The following KCNQ5 variants were observed in gnomAD, a reference collection of about 807,000 sequenced individuals.
KCNQ5 encodes potassium voltage-gated channel subfamily Q member 5.
Under a neutral mutation model 98.2 loss-of-function variants are expected in KCNQ5, and 30 were observed. The observed-to-expected ratio is 0.31, with a 90% CI of 0.23 to 0.41. The LOEUF is 0.41. KCNQ5 is among the 10% of genes least tolerant of loss of function. The pLI is 1.00. For synonymous variants in KCNQ5, 458 were observed against 449.4 expected, an observed-to-expected ratio of 1.02 and a Z score of -0.24; for missense variants, 835 against 1,182.5, an observed-to-expected ratio of 0.71 and a Z score of 4.31.
At chr6:73,079,300 T>G (rs935875189) in intron 5 of KCNQ5, among the ~76,000 whole-genome samples, 2 of 152,246 alleles carry the variant, frequency 1.3e-5, no homozygotes, top group East Asian at 1.9e-4. Flanking sequence ...TGAGTTCTCT[T>G]TTAAACCACC....
chr6:72,900,646 C>A (rs1261253148), intron 1 of KCNQ5, among the ~76,000 whole-genome samples: 2 of 151,544 alleles, frequency 1.3e-5, no homozygotes, highest in Non-Finnish European at 2.9e-5. Flanking sequence ...CATAATGACT[C>A]CTTTTTCACT....
intron 1 of KCNQ5, among the ~76,000 whole-genome samples, chr6:72,811,204 G>A (rs1288853224): frequency 6.6e-6 from 1 of 152,154 alleles, no homozygotes; most frequent in Non-Finnish European, 1.5e-5. Context: ...CCCTGTGCTG[G>A]GTTTGCAGTG....
At chr6:72,960,918 C>T (rs1013086477) in intron 1 of KCNQ5, among the ~76,000 whole-genome samples, 1 of 152,184 alleles carries the variant, frequency 6.6e-6, no homozygotes, top group Non-Finnish European at 1.5e-5. Flanking sequence ...TTCGAGGCTG[C>T]AGTGAGCTGT....
intron 1 of KCNQ5, among the ~76,000 whole-genome samples, chr6:72,791,428 C>T (rs1231167739): frequency 6.6e-6 from 1 of 152,106 alleles, no homozygotes; most frequent in Non-Finnish European, 1.5e-5. Flanking sequence ...ATGCCCTCCC[C>T]CTCACCCCAA....
At chr6:72,646,668 G>C (rs1252153204) in intron 1 of KCNQ5, among the ~76,000 whole-genome samples, 2 of 152,098 alleles carry the variant, frequency 1.3e-5, no homozygotes, top group Admixed American at 1.3e-4. Flanking sequence ...TGAGTTTAAG[G>C]GTGCCTTCTG....
intron 2 of KCNQ5, among the ~76,000 whole-genome samples, chr6:73,024,696 A>G (rs192076516): frequency 6.6e-6 from 1 of 152,376 alleles, no homozygotes; most frequent in East Asian, 1.9e-4. Flanking sequence ...TCTAACCACT[A>G]TAGTGACTAG....
intron 1 of KCNQ5, among the ~76,000 whole-genome samples, chr6:72,810,228 T>C (rs1775176378): frequency 6.6e-6 from 1 of 152,184 alleles, no homozygotes; most frequent in Admixed American, 6.5e-5. Flanking sequence ...GGAAAATATG[T>C]TGGTTGATTT....
At chr6:73,045,647 G>A (rs952830558) in intron 3 of KCNQ5, among the ~76,000 whole-genome samples, 3 of 152,156 alleles carry the variant, frequency 2.0e-5, no homozygotes, top group African/African-American at 7.2e-5. Flanking sequence ...CTCTAAGACT[G>A]ATTTCATAGT....
intron 8 of KCNQ5, among the ~76,000 whole-genome samples, chr6:73,121,160 A>G (rs556250192): frequency 7.2e-4 from 109 of 152,312 alleles, no homozygotes; most frequent in African/African-American, 2.5e-3. Flanking sequence ...TGCATTCACA[A>G]TTTTAAAGTA....
At chr6:72,806,500 T>C (rs1424886835) in intron 1 of KCNQ5, among the ~76,000 whole-genome samples, 1 of 152,042 alleles carries the variant, frequency 6.6e-6, no homozygotes, top group Non-Finnish European at 1.5e-5. Context: ...TAGGGTCAGT[T>C]CAACAAAAGC....
intron 1 of KCNQ5, among the ~76,000 whole-genome samples, chr6:72,761,558 A>G (rs1321844458): frequency 6.6e-6 from 1 of 151,858 alleles, no homozygotes; most frequent in Non-Finnish European, 1.5e-5. Context: ...ATCATATTTA[A>G]TCATCATAAA....
chr6:73,154,094 C>G (rs1186497980), intron 10 of KCNQ5, among the ~76,000 whole-genome samples: 8 of 151,600 alleles, frequency 5.3e-5, no homozygotes, highest in Admixed American at 1.3e-4. Context: ...TCAATAAAAA[C>G]TAATTTTCAG....
intron 9 of KCNQ5, among the ~76,000 whole-genome samples, chr6:73,131,116 C>A (rs902868232): frequency 6.6e-6 from 1 of 151,990 alleles, no homozygotes; most frequent in Non-Finnish European, 1.5e-5. Context: ...AAGGTAATGT[C>A]AAAATGGTTC....
intron 3 of KCNQ5, among the ~76,000 whole-genome samples, chr6:73,061,267 A>G (rs1369404014): frequency 2.0e-5 from 3 of 152,214 alleles, no homozygotes; most frequent in Non-Finnish European, 2.9e-5. Flanking sequence ...GAGAATAAAA[A>G]TGTTTAACTG....
At position 72,900,569 on chromosome 6, in the gene KCNQ5, T is replaced by C. The variant is rs111830847; in HGVS notation, c.399-103339T>C. Among the ~76,000 whole-genome samples, 855 of 145,420 alleles carry C rather than the reference T, an allele frequency of 5.9e-3. 19 individuals carry two copies. In the South Asian group the frequency reaches 0.071, roughly 12 times the overall value. On this transcript the variant is annotated intron_variant, in intron 1 of 13. Coordinates refer to ENST00000370398, the MANE Select transcript of KCNQ5 (RefSeq NM_019842.4). ...CCCTGTTGATTGATGGGCATTTGGG[T>C]TGGTTCCACAATTTTGCAGTTGCGA...
chr6:73,081,422 G>A (rs1390311529), intron 5 of KCNQ5, among the ~76,000 whole-genome samples: 1 of 152,096 alleles, frequency 6.6e-6, no homozygotes, highest in Admixed American at 6.5e-5. Flanking sequence ...GTTATTTTCT[G>A]TTATTAAATC....
intron 10 of KCNQ5, among the ~76,000 whole-genome samples, chr6:73,134,557 C>A (rs1400604769): frequency 6.6e-6 from 1 of 152,238 alleles, no homozygotes; most frequent in Non-Finnish European, 1.5e-5. Context: ...GCAGTGAAGT[C>A]CCTGGAACCG....
At chr6:72,629,147 T>C (rs2098919480) in intron 1 of KCNQ5, among the ~76,000 whole-genome samples, 1 of 152,226 alleles carries the variant, frequency 6.6e-6, no homozygotes, top group Admixed American at 6.5e-5. Context: ...ATTAGTTCCC[T>C]TGTGGCAGAT....
At chr6:72,880,314 CT>C (rs1348064758) in intron 1 of KCNQ5, among the ~76,000 whole-genome samples, 1 of 152,232 alleles carries the variant, frequency 6.6e-6, no homozygotes, top group African/African-American at 2.4e-5. Context: ...CGCCTGCTTT[CT>C]GGCTCATAGA....
Sources: gnomAD v4.1 joint callset for allele counts (sites outside exome capture counted in the v4.1 genomes callset) on GRCh38, gnomAD v4.1.1 for gene constraint, MANE v1.5 for transcripts, NCBI Gene and HGNC (gene_info 2026-07-23, HGNC 2026-07-21) for gene names.